Variants in QTMAN observed in about 807,000 individuals in gnomAD.
QTMAN encodes queuosine-tRNA mannosyltransferase, also known as tRNA-queuosine alpha-mannosyltransferase.
chr2:143,980,049 G>A, the QTMAN span, among the ~76,000 whole-genome samples: 2 of 151,858 alleles, frequency 1.3e-5, no homozygotes, highest in Non-Finnish European at 2.9e-5. Context: ...TTTAAGTTCA[G>A]GGGTACGTGT....
At chr2:144,124,264 G>A in the QTMAN span, among the ~76,000 whole-genome samples, 3 of 152,046 alleles carry the variant, frequency 2.0e-5, no homozygotes, top group Non-Finnish European at 4.4e-5. Flanking sequence ...AAGAACACAC[G>A]CTTTGAAGCC....
chr2:144,258,480 T>C, the QTMAN span, among the ~76,000 whole-genome samples: 3 of 152,214 alleles, frequency 2.0e-5, no homozygotes, highest in African/African-American at 7.2e-5. Context: ...GACTTCTCTA[T>C]ATTACCATCA....
At chr2:144,317,965 G>A in the QTMAN span, among the ~76,000 whole-genome samples, 1 of 152,016 alleles carries the variant, frequency 6.6e-6, no homozygotes, top group African/African-American at 2.4e-5. Flanking sequence ...CTATATTTAT[G>A]TATTCATTGG....
At chr2:144,191,513 C>G in the QTMAN span, among the ~76,000 whole-genome samples, 1 of 152,052 alleles carries the variant, frequency 6.6e-6, no homozygotes, top group Admixed American at 6.6e-5. Context: ...TAGGTCTTAT[C>G]TGGATATAAA....
At chr2:144,196,255 TATATA>T in the QTMAN span, among the ~76,000 whole-genome samples, 441 of 151,668 alleles carry the variant, frequency 2.9e-3, 3 homozygotes, top group African/African-American at 0.01. Context: ...ACGAAATATA[TATATA>T]ATATATGCTT....
At chr2:144,173,063 G>A in the QTMAN span, among the ~76,000 whole-genome samples, 9 of 151,900 alleles carry the variant, frequency 5.9e-5, no homozygotes, top group Non-Finnish European at 7.4e-5. Flanking sequence ...TTCTTTCAGC[G>A]TTTTGAAGGT....
chr2:144,013,180 T>C, the QTMAN span, among the ~76,000 whole-genome samples: 5 of 152,146 alleles, frequency 3.3e-5, no homozygotes, highest in African/African-American at 1.2e-4. Context: ...TACTATATAT[T>C]ATAAATATGT....
chr2:144,044,509 C>G, the QTMAN span, among the ~76,000 whole-genome samples: 1 of 152,106 alleles, frequency 6.6e-6, no homozygotes, highest in Non-Finnish European at 1.5e-5. Context: ...GAGCAAATCC[C>G]TTCTGTTCAA....
At chr2:144,310,208 T>G in the QTMAN span, among the ~76,000 whole-genome samples, 3 of 152,028 alleles carry the variant, frequency 2.0e-5, no homozygotes, top group Non-Finnish European at 4.4e-5. Flanking sequence ...GGATGAACAT[T>G]ACAGGCAGAG....
the QTMAN span, among the ~76,000 whole-genome samples, chr2:144,184,740 T>C: frequency 6.6e-6 from 1 of 152,214 alleles, no homozygotes; most frequent in Non-Finnish European, 1.5e-5. Context: ...TTTAAGTATC[T>C]GTTATTTCAT....
At chr2:144,234,278 T>G in the QTMAN span, among the ~76,000 whole-genome samples, 176 of 152,306 alleles carry the variant, frequency 1.2e-3, 1 homozygote, top group African/African-American at 4.1e-3. Context: ...GAAGTGAAGC[T>G]AACACAAATG....
chr2:143,958,611 G>T, the QTMAN span, among the ~76,000 whole-genome samples: 1 of 151,888 alleles, frequency 6.6e-6, no homozygotes, highest in Admixed American at 6.6e-5. Context: ...TTAAATAGTT[G>T]CTAGAACCTA....
the QTMAN span, among the ~76,000 whole-genome samples, chr2:144,272,458 C>G: frequency 6.6e-6 from 1 of 152,112 alleles, no homozygotes; most frequent in Non-Finnish European, 1.5e-5. Context: ...CCCTAAGCAG[C>G]AACAAATAAC....
chr2:144,037,750 T>C, the QTMAN span, among the ~76,000 whole-genome samples: 1 of 152,196 alleles, frequency 6.6e-6, no homozygotes, highest in African/African-American at 2.4e-5. Context: ...ACTCTTTAGA[T>C]ACATATAAAT....
At chr2:144,065,536 T>G in the QTMAN span, among the ~76,000 whole-genome samples, 1 of 152,228 alleles carries the variant, frequency 6.6e-6, no homozygotes, top group Non-Finnish European at 1.5e-5. Context: ...GCATACTCAG[T>G]TGGCTCTCTT....
At chr2:143,991,570 G>A in the QTMAN span, among the ~76,000 whole-genome samples, 1 of 146,114 alleles carries the variant, frequency 6.8e-6, no homozygotes, top group African/African-American at 2.5e-5. Flanking sequence ...GGGGGGGTCA[G>A]CCCCCCGCCC....
At chr2:144,096,708 T>C in the QTMAN span, among the ~76,000 whole-genome samples, 181 of 152,388 alleles carry the variant, frequency 1.2e-3, 1 homozygote, top group South Asian at 7.4e-3. Context: ...TGGGCACTGC[T>C]ATGTGCAAGC....
the QTMAN span, among the ~76,000 whole-genome samples, chr2:144,030,458 CTT>C: frequency 3.3e-5 from 5 of 152,118 alleles, no homozygotes; most frequent in African/African-American, 1.2e-4. Flanking sequence ...TTTCATGTCC[CTT>C]TGTTTTTTCT....
chr2:143,949,983 A>T, the QTMAN span, among the ~76,000 whole-genome samples: 1 of 151,736 alleles, frequency 6.6e-6, no homozygotes, highest in Non-Finnish European at 1.5e-5. Context: ...TTAAAATTTG[A>T]CTAATTTATT....
Sources: allele counts gnomAD v4.1 joint callset (sites outside exome capture counted in the v4.1 genomes callset), GRCh38; gene constraint gnomAD v4.1.1; transcripts MANE v1.5; gene names NCBI Gene and HGNC (gene_info 2026-07-23, HGNC 2026-07-21).